Variants in HNRNPL observed in about 807,000 individuals in gnomAD.
HNRNPL encodes the protein epididymis secretory sperm binding protein.
A neutral mutation model predicts 64.0 loss-of-function variants in HNRNPL; 12 were observed. The observed-to-expected ratio is 0.19, with a 90% CI of 0.12 to 0.30. The LOEUF is 0.30. Among genes scored for constraint, HNRNPL ranks in the 10% least tolerant of loss-of-function variants. The pLI, the probability that HNRNPL is intolerant of heterozygous loss-of-function variation, is 1.00. For synonymous variants in HNRNPL, 385 were observed against 313.0 expected, an observed-to-expected ratio of 1.23 and a Z score of -2.43; for missense variants, 484 against 797.4, an observed-to-expected ratio of 0.61 and a Z score of 4.73.
Position 38,849,858 on chromosome 19 carries a change from C to T in HNRNPL, c.109G>A (p.Ala37Thr). 1 of 1,221,474 alleles carries T rather than the reference C, an allele frequency of 8.2e-7. No individual in the cohort carries two copies. The highest frequency in any genetic ancestry group is 1.2e-6 in the Non-Finnish European group (1 of 867,174). The allele number at this position is 1,221,474 out of a possible 1,614,324, so 75.7% of individuals were successfully genotyped here. A position where few individuals can be genotyped will look rare whatever the true frequency, so the allele number is the denominator to read the frequency against. Residue 37 changes from alanine to threonine, a missense_variant, in exon 1 of 13, where the codon GCG becomes ACG. This residue lies in a region of HNRNPL where 190 missense variants were observed against 160.1 expected (regional missense o/e 1.19). Coordinates refer to ENST00000221419, the MANE Select transcript of HNRNPL (RefSeq NM_001533.3). The stretch of plus-strand genomic sequence containing the variant: ...CCACCGCCGCCTCCGCCGCCCGCCG[C>T]CGCCATCTTCACCATCGCTCCCGAC... ...RRSGAMVKMA[A>T]AGGGGGGGRY...
chr19:38,841,732 G>C (rs766249596), intron 6 of HNRNPL: 2 of 773,674 alleles, frequency 2.6e-6, no homozygotes, highest in African/African-American at 1.8e-5. Context: ...GTACACATCC[G>C]CTACAATTTT....
At position 38,840,612 on chromosome 19, in the gene HNRNPL, C is replaced by T. The variant is rs1301886868; in HGVS notation, c.881-53G>A. On this transcript the variant is annotated intron_variant, in intron 6 of 12. Transcript: ENST00000221419. ...CTCACTCAGAAATTGGGGTCTCTCC[C>T]TCCCTCCTGACTGCACAGGCTGATC... 3.6e-6 allele frequency: 5 copies of T among 1,404,720 alleles called. No homozygotes were observed. In the Admixed American group the frequency reaches 5.9e-5, roughly 17 times the overall value. 87.0% of individuals were successfully genotyped at this position (1,404,720 alleles called of 1,614,324 possible).
chr19:38,850,588 G>A (rs1413255899), upstream of HNRNPL, among the ~76,000 whole-genome samples: 1 of 152,196 alleles, frequency 6.6e-6, no homozygotes, highest in Non-Finnish European at 1.5e-5. Context: ...TATACGAAAC[G>A]AGCGAAGGCG....
Position 38,843,520 on chromosome 19 carries a change from C to T in HNRNPL, c.880+322G>A, listed in dbSNP as rs374856121. The stretch of plus-strand genomic sequence containing the variant: ...CAAGAATGGAGTGAGTGACCCTCAC[C>T]AGACTCTCAAAGGAGCCACTGCTGG... On this transcript the variant is annotated intron_variant, in intron 6 of 12. Transcript: ENST00000221419. The T allele has an allele frequency of 8.8e-4, 320 of 364,788 alleles. 6 individuals are homozygous for T. In the South Asian group the frequency reaches 0.011, roughly 12 times the overall value. The allele number at this position is 364,788 out of a possible 1,614,324, so 22.6% of individuals were successfully genotyped here. A position where few individuals can be genotyped will look rare whatever the true frequency, so the allele number is the denominator to read the frequency against.
intron 2 of HNRNPL, among the ~76,000 whole-genome samples, chr19:38,847,052 C>T (rs984798413): frequency 1.3e-5 from 2 of 152,168 alleles, no homozygotes; most frequent in African/African-American, 2.4e-5. Context: ...CCAGCCTGGG[C>T]CACAAAGCGA....
chr19:38,838,163 A>G (rs1971991902), intron 10 of HNRNPL, among the ~76,000 whole-genome samples: 1 of 152,224 alleles, frequency 6.6e-6, no homozygotes, highest in Non-Finnish European at 1.5e-5. Flanking sequence ...CCAAAAATGT[A>G]AAAGGAAGGA....
Position 38,849,911 on chromosome 19 carries a change from C to A in HNRNPL, c.56G>T (p.Arg19Met). ...AEKRRRRLEQ[R>M]QQPDEQRRRS... is the part of the protein sequence containing the mutation. ...CCTCCGCTGCTCGTCCGGCTGCTGC[C>A]TCTGCTCCAGCCGCCGACGCCGCTT... is the stretch of plus-strand genomic sequence containing the variant. The change falls in exon 1 of 13, where the codon AGG (arginine) becomes ATG (methionine). Residue 19 changes from arginine to methionine, a missense_variant. Arg to Met is a moderately conservative substitution (Grantham distance 91). Coordinates refer to ENST00000221419, the MANE Select transcript of HNRNPL (RefSeq NM_001533.3). The A allele has an allele frequency of 7.7e-7, 1 of 1,300,738 alleles. No homozygotes were observed. Among genetic ancestry groups the A allele is most frequent in the Non-Finnish European group, 1.1e-6 (1 of 941,340 alleles). The allele number at this position is 1,300,738 out of a possible 1,614,324, so 80.6% of individuals were successfully genotyped here.
In HNRNPL at chr19:38,836,598, T is replaced by TAA. The variant is rs35433653; in HGVS notation, c.*122_*123dup. Reference sequence around the variant, plus strand: ...AGTAAGCCTCTACAAACCTAGCATTTAAAAAAAAAAAAAAAAAAAAAAAAA... The same window carrying TAA: ...AGTAAGCCTCTACAAACCTAGCATTTAAAAAAAAAAAAAAAAAAAAAAAAAAA... On this transcript the variant is annotated 3_prime_UTR_variant, in exon 13 of 13. Transcript: ENST00000221419. 4.6e-3 allele frequency: 625 copies of TAA among 136,576 alleles called. 11 individuals are homozygous for TAA. The highest frequency in any genetic ancestry group is 0.025 in the African/African-American group (422 of 17,030). The allele number at this position is 136,576 out of a possible 1,614,324, so 8.5% of individuals were successfully genotyped here.
At position 38,849,098 on chromosome 19, in the gene HNRNPL, G is replaced by A. The variant is rs552503246; in HGVS notation, c.267+602C>T. On this transcript the variant is annotated intron_variant, in intron 1 of 12. Coordinates refer to ENST00000221419, the MANE Select transcript of HNRNPL (RefSeq NM_001533.3). ...CGGAAACTGTAAGCAAACTTGTGAT[G>A]GTTTCAAGGCTTCGCTCAACTCCTA... Among the ~76,000 whole-genome samples, 5 of 152,332 alleles carry A rather than the reference G, an allele frequency of 3.3e-5. No homozygotes were observed. In the East Asian group the frequency reaches 9.6e-4, roughly 29 times the overall value.
intron 4 of HNRNPL, 21 bp from the exon 5 acceptor site, chr19:38,844,125 T>C: frequency 1.3e-6 from 2 of 1,531,354 alleles, no homozygotes; most frequent in Non-Finnish European, 1.8e-6. Flanking sequence ...TTAAGGAAAG[T>C]CCCATCACAG....
intron 9 of HNRNPL, 98 bp from the exon 10 acceptor site, chr19:38,838,696 T>G: frequency 7.3e-7 from 1 of 1,366,812 alleles, no homozygotes; most frequent in Non-Finnish European, 1.0e-6. Flanking sequence ...CTGTGTGCCT[T>G]GGGGCATTGC....
chr19:38,843,980 G>C (rs373027792), intron 5 of HNRNPL, 28 bp downstream of exon 5: 4 of 1,606,930 alleles, frequency 2.5e-6, no homozygotes, highest in African/African-American at 1.3e-5. Context: ...AAGCTGACAA[G>C]GGGCAGTCAG....
At position 38,840,169 on chromosome 19, in the gene HNRNPL, T is replaced by A; in HGVS notation, c.1160A>T (p.Tyr387Phe). 1 of 1,523,170 alleles carries A rather than the reference T, an allele frequency of 6.6e-7. No individual in the cohort carries two copies. The highest frequency in any genetic ancestry group is 2.7e-5 in the East Asian group (1 of 37,434). The allele number at this position is 1,523,170 out of a possible 1,614,324, so 94.4% of individuals were successfully genotyped here. Residue 387 changes from tyrosine to phenylalanine, a missense_variant, in exon 8 of 13, where the codon TAT becomes TTT. By Grantham distance (22) the Tyr-to-Phe change is conservative. Coordinates refer to ENST00000221419, the MANE Select transcript of HNRNPL (RefSeq NM_001533.3). The stretch of plus-strand genomic sequence containing the variant: ...GTTCATCTTAGATTGATCCAAGCCA[T>A]AGACCATGAGCACAGGGCTGTCGGC... ...PHADSPVLMV[Y>F]GLDQSKMNCD...
chr19:38,841,423 A>G (rs757303564), intron 6 of HNRNPL: 18 of 367,382 alleles, frequency 4.9e-5, no homozygotes, highest in Non-Finnish European at 8.0e-5. Flanking sequence ...AAAGCAAGAC[A>G]GTGGCTGAGC....
At chr19:38,846,274 C>T (rs545079206) in intron 2 of HNRNPL, among the ~76,000 whole-genome samples, 184 bp from the exon 3 acceptor site, 6 of 152,248 alleles carry the variant, frequency 3.9e-5, no homozygotes, top group African/African-American at 1.2e-4. Flanking sequence ...TCTAGCTGAG[C>T]CATCATGTCC....
intron 1 of HNRNPL, chr19:38,847,730 C>G (rs1278631952): frequency 9.6e-6 from 2 of 207,484 alleles, no homozygotes; most frequent in East Asian, 2.1e-4. Context: ...TTCCAGGGAC[C>G]CCCCTCTCTT....
rs1210177187 is a variant in HNRNPL, at chr19:38,847,557, A to G, written c.268-123T>C. ...TGGAGGTCATCCGTGAAGGATGCAC[A>G]GGAAAGACTAGGGGCAGCAATTGAA... On this transcript the variant is annotated intron_variant, in intron 1 of 12. Coordinates refer to ENST00000221419, the MANE Select transcript of HNRNPL (RefSeq NM_001533.3). 3.5e-5 allele frequency: 17 copies of G among 492,432 alleles called. No homozygotes were observed. In the Admixed American group the frequency reaches 6.2e-4, roughly 18 times the overall value. The allele number at this position is 492,432 out of a possible 1,614,324, so 30.5% of individuals were successfully genotyped here. A position where few individuals can be genotyped will look rare whatever the true frequency, so the allele number is the denominator to read the frequency against.
chr19:38,838,487 C>A lies in HNRNPL; in HGVS notation c.1467G>T (p.Glu489Asp). 1 of 1,614,162 alleles carries A rather than the reference C, an allele frequency of 6.2e-7. No homozygotes were observed. The highest frequency in any genetic ancestry group is 8.5e-7 in the Non-Finnish European group (1 of 1,180,004). ...GCTGGATGCGGTTCTTGGCTGCCTG[C>A]TCTGGGGTGGAGAACCGATTGTTCC... ...ESRNNRFSTP[E>D]QAAKNRIQHP... The change falls in exon 10 of 13, where the codon GAG becomes GAT. Residue 489 changes from glutamate (E) to aspartate (D), a missense_variant. Glu to Asp is a conservative substitution (Grantham distance 45). Transcript: ENST00000221419.
In HNRNPL at chr19:38,836,612, A is replaced by G. The variant is rs1971936590; in HGVS notation, c.*110T>C. ...AACCTAGCATTTAAAAAAAAAAAAA[A>G]AAAAAAAAAAAAGGAATACAAGATC... On this transcript the variant is annotated 3_prime_UTR_variant, in exon 13 of 13. Transcript: ENST00000221419. The G allele has an allele frequency of 2.1e-6, 1 of 472,834 alleles. No homozygotes were observed. Among genetic ancestry groups the G allele is most frequent in the South Asian group, 3.6e-5 (1 of 27,992 alleles). 29.3% of individuals were successfully genotyped at this position (472,834 alleles called of 1,614,324 possible).
Sources: allele counts gnomAD v4.1 joint callset (sites outside exome capture counted in the v4.1 genomes callset), GRCh38; gene constraint gnomAD v4.1.1; regional missense constraint gnomAD v4.1.1; transcripts MANE v1.5; gene names NCBI Gene and HGNC (gene_info 2026-07-23, HGNC 2026-07-21).